PHACTR1: variants seen among roughly 807,000 people sequenced by gnomAD.
The protein encoded by PHACTR1 is RPEL repeat containing 1.
A neutral mutation model predicts 69.2 loss-of-function variants in PHACTR1; 16 were observed. The observed-to-expected ratio is 0.23, with a 90% CI of 0.16 to 0.35. The LOEUF is 0.35. PHACTR1 is among the 10% of genes least tolerant of loss of function. The pLI, the probability that PHACTR1 is intolerant of heterozygous loss-of-function variation, is 1.00. For missense variants in PHACTR1, 510 were observed against 734.7 expected (o/e 0.69, Z 3.54); for synonymous variants, 312 against 284.5 (o/e 1.10, Z -0.97).
At chr6:13,048,586 G>A (rs1454712197) in intron 4 of PHACTR1, among the ~76,000 whole-genome samples, 3 of 149,752 alleles carry the variant, frequency 2.0e-5, no homozygotes, top group Non-Finnish European at 3.0e-5. Flanking sequence ...CTATGCTGGA[G>A]TGTAATGGTG....
chr6:13,049,665 G>A (rs777908280), intron 4 of PHACTR1, among the ~76,000 whole-genome samples: 17 of 152,216 alleles, frequency 1.1e-4, no homozygotes, highest in South Asian at 2.1e-4. Flanking sequence ...GCTATAACAC[G>A]TGTTTAGAGA....
chr6:13,069,241 TG>T (rs899271796), intron 5 of PHACTR1, among the ~76,000 whole-genome samples: 1 of 152,248 alleles, frequency 6.6e-6, no homozygotes, highest in Admixed American at 6.5e-5. Flanking sequence ...TGAATTTCTT[TG>T]TTCCCAGTCC....
intron 6 of PHACTR1, among the ~76,000 whole-genome samples, chr6:13,178,309 C>CTTCCTCA (rs1761687952): frequency 6.6e-6 from 1 of 152,364 alleles, no homozygotes; most frequent in Admixed American, 6.5e-5. Context: ...CTTCCTCATG[C>CTTCCTCA]TGTCTGTCCC....
At chr6:12,724,140 C>T (rs1214953015) in intron 3 of PHACTR1, among the ~76,000 whole-genome samples, 1 of 152,034 alleles carries the variant, frequency 6.6e-6, no homozygotes, top group East Asian at 1.9e-4. Context: ...CCAATCTAGC[C>T]AACATGGTGA....
At chr6:13,175,890 C>CCCTA (rs1232615104) in intron 6 of PHACTR1, among the ~76,000 whole-genome samples, 19 of 152,208 alleles carry the variant, frequency 1.2e-4, no homozygotes, top group African/African-American at 4.6e-4. Flanking sequence ...CATGCTCCTC[C>CCCTA]CCTAGCCTTG....
intron 4 of PHACTR1, among the ~76,000 whole-genome samples, chr6:12,971,574 G>A (rs1006451280): frequency 2.6e-5 from 4 of 152,288 alleles, no homozygotes; most frequent in Non-Finnish European, 4.4e-5. Context: ...AATCCACAGG[G>A]ACAGAACATG....
chr6:13,073,000 C>T (rs1390393986), intron 5 of PHACTR1, among the ~76,000 whole-genome samples: 1 of 152,024 alleles, frequency 6.6e-6, no homozygotes, highest in Non-Finnish European at 1.5e-5. Flanking sequence ...TGATCATTGG[C>T]CTTTATTTAG....
At chr6:13,046,717 G>T (rs1362895369) in intron 4 of PHACTR1, among the ~76,000 whole-genome samples, 1 of 151,196 alleles carries the variant, frequency 6.6e-6, no homozygotes, top group African/African-American at 2.4e-5. Flanking sequence ...CCCAATCTTT[G>T]TCCCATCCAC....
At chr6:12,885,208 C>T (rs760934346) in intron 4 of PHACTR1, among the ~76,000 whole-genome samples, 4 of 152,170 alleles carry the variant, frequency 2.6e-5, no homozygotes, top group Non-Finnish European at 4.4e-5. Context: ...GGACCTAGAC[C>T]GCCCCATGAT....
intron 5 of PHACTR1, among the ~76,000 whole-genome samples, chr6:13,057,551 A>T (rs1806989706): frequency 6.6e-6 from 1 of 152,162 alleles, no homozygotes; most frequent in South Asian, 2.1e-4. Context: ...GATTAGGTAT[A>T]CTGTGGTTTA....
At chr6:12,718,892 T>G (rs1761745430) in intron 3 of PHACTR1, 45 bp downstream of exon 3, 1,865 of 1,257,150 alleles carry the variant, frequency 1.5e-3, no homozygotes, top group Non-Finnish European at 1.9e-3. Context: ...GCACGTCGGT[T>G]TTATATGAAC....
chr6:12,868,194 T>C (rs1781654353), intron 4 of PHACTR1, among the ~76,000 whole-genome samples: 1 of 151,184 alleles, frequency 6.6e-6, no homozygotes, highest in African/African-American at 2.4e-5. Context: ...GAGTCGGAGG[T>C]TGCAGTGAAC....
At chr6:13,200,407 A>G (rs911933150) in intron 7 of PHACTR1, among the ~76,000 whole-genome samples, 33 of 152,154 alleles carry the variant, frequency 2.2e-4, no homozygotes, top group African/African-American at 7.7e-4. Flanking sequence ...GACGGGGTCA[A>G]AGTGCTGGGA....
rs1237818206 is a variant in PHACTR1 at position 13,246,217 on chromosome 6, A to G, written c.1391+16024A>G. On this transcript the variant is annotated intron_variant, in intron 10 of 14. Transcript: ENST00000332995. This position sits in a 1 kb window ranked among gnomAD's most constrained non-coding sequence, Gnocchi z 4.2. ...TCATATATCTTCGTTGATTTTCTCAAAAGAAAAATAAATAATGTGGAGGTT... is the reference window on the plus strand; with the variant it reads ...TCATATATCTTCGTTGATTTTCTCAGAAGAAAAATAAATAATGTGGAGGTT... 2.0e-5 allele frequency among the ~76,000 whole-genome samples: 3 copies of G among 152,210 alleles called. No homozygotes were observed. The highest frequency in any genetic ancestry group is 4.4e-5 in the Non-Finnish European group (3 of 68,036).
At chr6:13,271,009 T>C (rs1446344833) in intron 10 of PHACTR1, among the ~76,000 whole-genome samples, 2 of 139,644 alleles carry the variant, frequency 1.4e-5, no homozygotes, top group African/African-American at 5.3e-5. Context: ...CATGCTTTTT[T>C]TTTTTCTTTT....
intron 3 of PHACTR1, among the ~76,000 whole-genome samples, chr6:12,722,283 T>C (rs2127558354): frequency 6.6e-6 from 1 of 152,354 alleles, no homozygotes; most frequent in South Asian, 2.1e-4. Flanking sequence ...TGTAAATGTT[T>C]TTAAAGGGAA....
At chr6:13,219,698 G>A (rs953559935) in intron 8 of PHACTR1, among the ~76,000 whole-genome samples, 3 of 152,048 alleles carry the variant, frequency 2.0e-5, no homozygotes, top group Non-Finnish European at 2.9e-5. Flanking sequence ...CCATAATAGC[G>A]CTCATCATGG....
chr6:13,148,928 A>G (rs79989249), intron 5 of PHACTR1, among the ~76,000 whole-genome samples: 5,671 of 152,242 alleles, frequency 0.037, 242 homozygotes, highest in African/African-American at 0.1. Flanking sequence ...TGAAGTTTCT[A>G]CCAAGACCAC....
rs114483772 is a variant in PHACTR1, at chr6:12,992,742, C to G, written c.251-60623C>G. On this transcript the variant is annotated intron_variant, in intron 4 of 14. Coordinates refer to ENST00000332995, the MANE Select transcript of PHACTR1 (RefSeq NM_030948.6). ...AAAACAAAGAGAAAAGAAAAAAGCT[C>G]TCTCTCCTACAGAGAGAGAGGGGCT... 3.3e-3 allele frequency among the ~76,000 whole-genome samples: 498 copies of G among 152,294 alleles called. 1 individual carries two copies. Among genetic ancestry groups the G allele is most frequent in the African/African-American group, 0.012 (484 of 41,556 alleles).
Sources: gnomAD v4.1 joint callset for allele counts (sites outside exome capture counted in the v4.1 genomes callset) on GRCh38, gnomAD v4.1.1 for gene constraint, Gnocchi (gnomAD v3.1) non-coding constraint, MANE v1.5 for transcripts, NCBI Gene and HGNC (gene_info 2026-07-23, HGNC 2026-07-21) for gene names.